The following AGTR1 variants were observed in gnomAD, a reference collection of about 807,000 sequenced individuals.
The protein encoded by AGTR1 is type-1 angiotensin II receptor.
In AGTR1, 16 loss-of-function variants were observed where a neutral mutation model predicts 19.4. The ratio of observed to expected loss-of-function variants is 0.82; its 90% CI spans 0.56 to 1.25. The LOEUF is 1.25. Ranked by LOEUF, AGTR1 falls within the 50% of genes most tolerant of loss-of-function variation. AGTR1 has a pLI of 0.00. For synonymous variants in AGTR1, 153 were observed against 154.9 expected (o/e 0.99, Z 0.09); for missense variants, 373 against 431.9 (o/e 0.86, Z 1.21).
chr3:148,709,658 C>G (rs1271572720), intron 2 of AGTR1, among the ~76,000 whole-genome samples: 2 of 151,986 alleles, frequency 1.3e-5, no homozygotes, highest in African/African-American at 4.8e-5. Context: ...TCTCCAAGGC[C>G]CTATCTCAAT....
At chr3:148,713,512 A>T (rs1336616026) in intron 2 of AGTR1, among the ~76,000 whole-genome samples, 5 of 152,164 alleles carry the variant, frequency 3.3e-5, no homozygotes, top group African/African-American at 7.2e-5. Context: ...TAGGTTTGCA[A>T]TAATCAGATG....
At chr3:148,720,399 G>A (rs150863669) in intron 2 of AGTR1, among the ~76,000 whole-genome samples, 3 of 152,134 alleles carry the variant, frequency 2.0e-5, no homozygotes, top group African/African-American at 2.4e-5. Flanking sequence ...GCATGTTGTC[G>A]ACCTCATTTT....
intron 2 of AGTR1, among the ~76,000 whole-genome samples, chr3:148,733,187 G>A (rs10513337): frequency 0.045 from 6,859 of 152,230 alleles, 174 homozygotes; most frequent in East Asian, 0.053. Flanking sequence ...CCAATTTGCA[G>A]GCTATCGTTA....
intron 1 of AGTR1, among the ~76,000 whole-genome samples, chr3:148,699,587 G>C (rs1023661077): frequency 1.3e-5 from 2 of 150,048 alleles, no homozygotes; most frequent in African/African-American, 2.5e-5. Flanking sequence ...GTGATAGTAA[G>C]AGCATTATTT....
At chr3:148,723,116 T>C (rs1713740581) in intron 2 of AGTR1, among the ~76,000 whole-genome samples, 2 of 152,332 alleles carry the variant, frequency 1.3e-5, no homozygotes, top group Middle Eastern at 3.4e-3. Context: ...CATCCAGGAT[T>C]AATCCTGTGT....
At chr3:148,703,058 T>C (rs1012166627) in intron 1 of AGTR1, among the ~76,000 whole-genome samples, 2 of 151,954 alleles carry the variant, frequency 1.3e-5, no homozygotes, top group Non-Finnish European at 1.5e-5. Context: ...TTAAAAAGAA[T>C]AAAAGGTTGA....
chr3:148,716,179 C>T lies in AGTR1; in HGVS notation c.-48+8152C>T, dbSNP rs148939476. Among the ~76,000 whole-genome samples the T allele has an allele frequency of 1.3e-5, 2 of 152,264 alleles. No individual in the cohort carries two copies. Among genetic ancestry groups the T allele is most frequent in the Non-Finnish European group, 2.9e-5 (2 of 68,000 alleles). On this transcript the variant is annotated intron_variant, in intron 2 of 2. Coordinates refer to ENST00000349243, the MANE Select transcript of AGTR1 (RefSeq NM_000685.5). This position sits in a 1 kb window ranked among gnomAD's most constrained non-coding sequence, Gnocchi z 4.7. ...CAGAGCACTCCACCAGTGCCCTTGTCCTCCTGGGCAGAGCTCCTCAGCTAT... is the reference window on the plus strand; with the variant it reads ...CAGAGCACTCCACCAGTGCCCTTGTTCTCCTGGGCAGAGCTCCTCAGCTAT...
intron 2 of AGTR1, among the ~76,000 whole-genome samples, chr3:148,733,660 A>G (rs1247145866): frequency 1.3e-5 from 2 of 152,344 alleles, no homozygotes; most frequent in Non-Finnish European, 2.9e-5. Context: ...TCCAAGAGCC[A>G]TATTATTAAA....
chr3:148,732,775 C>G (rs1367820058), intron 2 of AGTR1, among the ~76,000 whole-genome samples: 2 of 115,080 alleles, frequency 1.7e-5, no homozygotes, highest in East Asian at 5.4e-4. Context: ...GAGTCTCGCT[C>G]TGTCGCCCAG....
chr3:148,741,462 C>T lies in AGTR1; in HGVS notation c.427C>T (p.Leu143Phe). ...GAAGTCCCGCCTTCGACGCACAATG[C>T]TTGTAGCCAAAGTCACCTGCATCAT... ...PMKSRLRRTM[L>F]VAKVTCIIIW... The change falls in exon 3 of 3, where the codon CTT (leucine) becomes TTT (phenylalanine). Residue 143 changes from leucine to phenylalanine, a missense_variant. Coordinates refer to ENST00000349243, the MANE Select transcript of AGTR1 (RefSeq NM_000685.5). The T allele has an allele frequency of 6.2e-7, 1 of 1,612,212 alleles. No individual in the cohort carries two copies. The highest frequency in any genetic ancestry group is 1.1e-5 in the South Asian group (1 of 91,088).
chr3:148,728,579 A>G (rs533617906), intron 2 of AGTR1, among the ~76,000 whole-genome samples: 222 of 152,306 alleles, frequency 1.5e-3, no homozygotes, highest in African/African-American at 5.1e-3. Flanking sequence ...AGCATCTGAT[A>G]AGTAGTTAAT....
In AGTR1 at chr3:148,742,116, C is replaced by A; in HGVS notation, c.*1C>A. 6.2e-7 allele frequency: 1 copy of A among 1,614,000 alleles called. No individual in the cohort carries two copies. The highest frequency in any genetic ancestry group is 8.5e-7 in the Non-Finnish European group (1 of 1,179,996). ...TGCACCATGTTTTGAGGTTGAGTGA[C>A]ATGTTCGAAACCTGTCCATAAAGTA... On this transcript the variant is annotated 3_prime_UTR_variant, in exon 3 of 3. Transcript: ENST00000349243.
Position 148,723,234 on chromosome 3 carries a change from G to A in AGTR1, c.-48+15207G>A, listed in dbSNP as rs557520323. ...TTTAGGAAATACATTAGTATCAAAAGGACAAATGTAGCCTTAAAACATAAA... is the reference window on the plus strand; with the variant it reads ...TTTAGGAAATACATTAGTATCAAAAAGACAAATGTAGCCTTAAAACATAAA... On this transcript the variant is annotated intron_variant, in intron 2 of 2. Transcript: ENST00000349243. Among the ~76,000 whole-genome samples the A allele has an allele frequency of 2.2e-4, 33 of 152,176 alleles. No homozygotes were observed. The South Asian group carries it at 5.0e-3, about 23-fold the overall frequency.
chr3:148,708,346 T>C (rs1016821236), intron 2 of AGTR1, among the ~76,000 whole-genome samples: 3 of 152,166 alleles, frequency 2.0e-5, no homozygotes, highest in Non-Finnish European at 2.9e-5. Context: ...GTGTTCTTCC[T>C]GTATAGGGCT....
At chr3:148,704,188 A>C (rs944267124) in intron 1 of AGTR1, among the ~76,000 whole-genome samples, 3 of 151,884 alleles carry the variant, frequency 2.0e-5, no homozygotes, top group African/African-American at 4.8e-5. Context: ...CATCTCTACA[A>C]AAAATAAAAA....
At chr3:148,724,215 AAGGGGG>A (rs1336390800) in intron 2 of AGTR1, among the ~76,000 whole-genome samples, 1 of 152,178 alleles carries the variant, frequency 6.6e-6, no homozygotes, top group Non-Finnish European at 1.5e-5. Flanking sequence ...CCCTCCAAGA[AAGGGGG>A]AGGGCCCTCC....
At position 148,742,273 on chromosome 3, in the gene AGTR1, A is replaced by G. The variant is rs904684606; in HGVS notation, c.*158A>G. ...AACCGACTTTTCTAAAGCTCTGAAC[A>G]AAAGCTTTTCTTTCCTTTTGCAACA... is the stretch of plus-strand genomic sequence containing the variant. On this transcript the variant is annotated 3_prime_UTR_variant, in exon 3 of 3. Coordinates refer to ENST00000349243, the MANE Select transcript of AGTR1 (RefSeq NM_000685.5). 13 of 1,075,302 alleles carry G rather than the reference A, an allele frequency of 1.2e-5. No individual in the cohort carries two copies. In the African/African-American group the frequency reaches 1.4e-4, roughly 12 times the overall value. 66.6% of individuals were successfully genotyped at this position (1,075,302 alleles called of 1,614,324 possible).
chr3:148,701,523 ATTTGTT>A lies in AGTR1; in HGVS notation c.-132+3405_-132+3410del, dbSNP rs973407206. Among the ~76,000 whole-genome samples the A allele has an allele frequency of 5.9e-5, 9 of 152,158 alleles. 1 individual carries two copies. The highest frequency in any genetic ancestry group is 4.6e-4 in the Admixed American group (7 of 15,274). ...TTATAGTTAATTTAGAAGGGTTTGA[ATTTGTT>A]TTTGTTTTGTTTGTGTTTGTTTCTT... is the stretch of plus-strand genomic sequence containing the variant. On this transcript the variant is annotated intron_variant, in intron 1 of 2. Coordinates refer to ENST00000349243, the MANE Select transcript of AGTR1 (RefSeq NM_000685.5).
At chr3:148,709,086 A>G (rs2107932389) in intron 2 of AGTR1, among the ~76,000 whole-genome samples, 1 of 152,252 alleles carries the variant, frequency 6.6e-6, no homozygotes, top group East Asian at 1.9e-4. Context: ...CTGTCAATGG[A>G]TATCTTTAGG....
Sources: allele counts gnomAD v4.1 joint callset (sites outside exome capture counted in the v4.1 genomes callset), GRCh38; gene constraint gnomAD v4.1.1; non-coding constraint Gnocchi (gnomAD v3.1); transcripts MANE v1.5; gene names NCBI Gene and HGNC (gene_info 2026-07-23, HGNC 2026-07-21).